Variants in NADK observed in about 807,000 individuals in gnomAD.
The protein encoded by NADK is poly(P)/ATP NAD kinase.
Under a neutral mutation model 49.8 loss-of-function variants are expected in NADK, and 22 were observed. The observed-to-expected ratio is 0.44, with a 90% confidence interval of 0.32 to 0.63. The LOEUF is 0.63. Ranked by LOEUF, NADK falls within the 30% of genes least tolerant of loss-of-function variation. NADK has a pLI of 0.06. For synonymous variants in NADK, 268 were observed against 253.7 expected, an observed-to-expected ratio of 1.06 and a Z score of -0.54; for missense variants, 438 against 609.4, an observed-to-expected ratio of 0.72 and a Z score of 2.96.
chr1:1,773,879 C>T (rs925268869), intron 1 of NADK, among the ~76,000 whole-genome samples: 1 of 152,024 alleles, frequency 6.6e-6, no homozygotes, highest in African/African-American at 2.4e-5. Context: ...AGACTACAGG[C>T]ATGAGCCACT....
At chr1:1,760,968 T>C (rs1359465160) in intron 3 of NADK, among the ~76,000 whole-genome samples, 1 of 152,158 alleles carries the variant, frequency 6.6e-6, no homozygotes, top group Non-Finnish European at 1.5e-5. Flanking sequence ...CAACTGGGAC[T>C]ACAGGTGTGT....
At chr1:1,761,743 T>G in intron 3 of NADK, 1 of 501,552 alleles carries the variant, frequency 2.0e-6, no homozygotes, top group South Asian at 2.5e-5. Flanking sequence ...ACTCAGGGGG[T>G]TCAGGGAGGA....
chr1:1,765,116 TTCCGGA>T (rs1645844839), intron 2 of NADK, 106 bp downstream of exon 2: 1 of 1,107,980 alleles, frequency 9.0e-7, no homozygotes, highest in Admixed American at 2.6e-5. Flanking sequence ...CAGCCTCACC[TTCCGGA>T]TGCATCGACG....
chr1:1,769,362 C>T (rs546056123), intron 1 of NADK, among the ~76,000 whole-genome samples: 3 of 152,346 alleles, frequency 2.0e-5, no homozygotes, highest in African/African-American at 7.2e-5. Flanking sequence ...GCCTGGCCAA[C>T]ATGGCGAAAC....
Position 1,754,435 on chromosome 1 carries a change from G to A in NADK, c.844-52C>T, listed in dbSNP as rs1480687787. 24 of 1,608,392 alleles carry A rather than the reference G, an allele frequency of 1.5e-5. No homozygotes were observed. Among genetic ancestry groups the A allele is most frequent in the Non-Finnish European group, 2.0e-5 (23 of 1,176,044 alleles). On this transcript the variant is annotated intron_variant, in intron 8 of 11. Transcript: ENST00000341426. This position sits in a 1 kb window ranked among gnomAD's most constrained non-coding sequence, Gnocchi z 4.3. ...CAGGGCGGGGGATGCCGCACGGCTC[G>A]CAGACACCCTCCGTCTCACCCAGCC...
chr1:1,762,098 C>T, intron 2 of NADK, 63 bp from the exon 3 acceptor site: 1 of 1,407,926 alleles, frequency 7.1e-7, no homozygotes, highest in East Asian at 2.3e-5. Flanking sequence ...GTGACAGACA[C>T]AGATACAGAG....
intron 2 of NADK, among the ~76,000 whole-genome samples, chr1:1,764,243 G>A (rs368658009): frequency 2.4e-4 from 37 of 152,296 alleles, no homozygotes; most frequent in African/African-American, 6.3e-4. Context: ...TTTGATAGTC[G>A]TGATCCTTGT....
Position 1,757,324 on chromosome 1 carries a change from G to C in NADK, c.264-14C>G. On this transcript the variant is annotated splice_polypyrimidine_tract_variant and intron_variant, in intron 3 of 11. Coordinates refer to ENST00000341426, the MANE Select transcript of NADK (RefSeq NM_023018.5). ...TCCTGAATGTGCCTTTAGGGGAGGA[G>C]AAAAGAGTTCACACCAGCTGCGATC... The C allele has an allele frequency of 1.2e-6, 2 of 1,607,982 alleles. No individual in the cohort carries two copies. Among genetic ancestry groups the C allele is most frequent in the Non-Finnish European group, 1.7e-6 (2 of 1,175,384 alleles).
At chr1:1,774,535 G>A (rs545055505) in intron 1 of NADK, among the ~76,000 whole-genome samples, 12 of 152,108 alleles carry the variant, frequency 7.9e-5, no homozygotes, top group African/African-American at 2.6e-4. Context: ...GATTGCAGGC[G>A]TCGCCACCGC....
intron 3 of NADK, among the ~76,000 whole-genome samples, chr1:1,757,538 G>A (rs1008910148): frequency 3.3e-5 from 5 of 151,524 alleles, no homozygotes; most frequent in East Asian, 1.9e-4. Flanking sequence ...CCCATCACAC[G>A]CAGGCTCAGG....
chr1:1,756,235 G>T (rs746630986), intron 6 of NADK, 23 bp downstream of exon 6: 9 of 1,606,330 alleles, frequency 5.6e-6, no homozygotes, highest in Non-Finnish European at 7.7e-6. Flanking sequence ...CCTGGTGTGG[G>T]TCTGGAAATG....
At chr1:1,759,988 G>A (rs1645666254) in intron 3 of NADK, 13 of 1,433,358 alleles carry the variant, frequency 9.1e-6, no homozygotes, top group Non-Finnish European at 1.1e-5. Context: ...AGCACAGGAT[G>A]GCGGGACAGA....
At position 1,756,596 on chromosome 1, in the gene NADK, C is replaced by G; in HGVS notation, c.406G>C (p.Val136Leu). ...CTHLMEENMIVYVEKKVLEDP... is the reference protein window; with the variant it reads ...CTHLMEENMILYVEKKVLEDP... ...TCTAGCACTTTCTTTTCCACATACA[C>G]GATCATGTTCTCCTGGAAGCAAAGT... Residue 136 changes from valine (V) to leucine (L), a missense_variant, in exon 5 of 12, where the codon GTG (valine) becomes CTG (leucine). Physicochemically the swap from Val to Leu is conservative, Grantham distance 32. Coordinates refer to ENST00000341426, the MANE Select transcript of NADK (RefSeq NM_023018.5). 3 of 1,614,104 alleles carry G rather than the reference C, an allele frequency of 1.9e-6. No individual in the cohort carries two copies. Among genetic ancestry groups the G allele is most frequent in the Non-Finnish European group, 2.5e-6 (3 of 1,180,038 alleles).
chr1:1,766,010 G>A (rs1469226232), intron 1 of NADK, among the ~76,000 whole-genome samples: 1 of 152,090 alleles, frequency 6.6e-6, no homozygotes, highest in Non-Finnish European at 1.5e-5. Flanking sequence ...GCTCATGCCT[G>A]TAATCCCAGC....
chr1:1,759,778 C>G (rs763593414), intron 3 of NADK: 1 of 1,557,008 alleles, frequency 6.4e-7, no homozygotes, highest in East Asian at 2.4e-5. Context: ...GCTCGGGGAC[C>G]ACTGAGTACG....
At position 1,765,395 on chromosome 1, in the gene NADK, T is replaced by C; in HGVS notation, c.12A>G (p.Glu4=). Residue 4 remains glutamate (E), a synonymous_variant, in exon 2 of 12, where the codon GAA becomes GAG. Transcript: ENST00000341426. MEM[E]QEKMTMNKEL... Reference sequence around the variant, plus strand: ...CCTTATTCATGGTCATTTTTTCTTGTTCCATTTCCATTGTCAGGAAATGAG... The same window carrying C: ...CCTTATTCATGGTCATTTTTTCTTGCTCCATTTCCATTGTCAGGAAATGAG... The C allele has an allele frequency of 1.3e-6, 2 of 1,596,750 alleles. No individual in the cohort carries two copies. The highest frequency in any genetic ancestry group is 1.7e-6 in the Non-Finnish European group (2 of 1,170,518).
intron 4 of NADK, chr1:1,756,954 G>C: frequency 2.4e-6 from 2 of 843,820 alleles, no homozygotes; most frequent in East Asian, 5.0e-5. Context: ...CGGCCTCCAG[G>C]GCCACGAGCC....
chr1:1,756,956 C>A (rs1338266034), intron 4 of NADK: 3 of 846,056 alleles, frequency 3.5e-6, no homozygotes, highest in Admixed American at 1.9e-5. Flanking sequence ...GCCTCCAGGG[C>A]CACGAGCCCA....
At chr1:1,765,144 G>T in intron 2 of NADK, 84 bp downstream of exon 2, 2 of 1,362,412 alleles carry the variant, frequency 1.5e-6, no homozygotes, top group Non-Finnish European at 9.9e-7. Flanking sequence ...AGACTACTCA[G>T]GAGAATTCTT....
Sources: gnomAD v4.1 joint callset for allele counts (sites outside exome capture counted in the v4.1 genomes callset) on GRCh38, gnomAD v4.1.1 for gene constraint, Gnocchi (gnomAD v3.1) non-coding constraint, MANE v1.5 for transcripts, NCBI Gene and HGNC (gene_info 2026-07-23, HGNC 2026-07-21) for gene names.